The following SORCS3 variants were observed in gnomAD, a reference collection of about 807,000 sequenced individuals.
SORCS3 encodes VPS10 domain-containing receptor SorCS3.
A neutral mutation model predicts 146.3 loss-of-function variants in SORCS3; 57 were observed. The observed-to-expected ratio is 0.39, with a 90% confidence interval of 0.31 to 0.49. The LOEUF (loss-of-function observed/expected upper bound fraction) is 0.49. SORCS3 is among the 20% of genes least tolerant of loss of function. The pLI, the probability that SORCS3 is intolerant of heterozygous loss-of-function variation, is 0.92. For synonymous variants in SORCS3, 653 were observed against 618.5 expected (o/e 1.06, Z -0.83); for missense variants, 1,341 against 1,575.5 (o/e 0.85, Z 2.52).
intron 2 of SORCS3, among the ~76,000 whole-genome samples, chr10:104,903,730 A>T (rs906572845): frequency 6.6e-6 from 1 of 152,198 alleles, no homozygotes; most frequent in Non-Finnish European, 1.5e-5. Context: ...ATAAAATGTT[A>T]TCTGCTTTTT....
chr10:105,147,869 C>A (rs2056143167), intron 9 of SORCS3, 73 bp downstream of exon 9: 2 of 1,325,780 alleles, frequency 1.5e-6, no homozygotes, highest in Admixed American at 4.4e-5. Context: ...TAAACACAAG[C>A]ACTGGAGTTC....
chr10:104,806,216 C>T (rs1255042536), intron 1 of SORCS3, among the ~76,000 whole-genome samples: 3 of 152,200 alleles, frequency 2.0e-5, no homozygotes, highest in Non-Finnish European at 2.9e-5. Context: ...ACCTATACTA[C>T]GTCTTTCCAC....
intron 2 of SORCS3, among the ~76,000 whole-genome samples, chr10:104,855,869 A>G (rs1307119772): frequency 6.6e-6 from 1 of 151,998 alleles, no homozygotes; most frequent in East Asian, 1.9e-4. Context: ...CTGAGTAGCT[A>G]GGACCACAGG....
intron 14 of SORCS3, among the ~76,000 whole-genome samples, chr10:105,195,092 A>G (rs976920942): frequency 4.6e-5 from 7 of 152,170 alleles, no homozygotes; most frequent in African/African-American, 1.7e-4. Flanking sequence ...TATCCTTTTA[A>G]TGATGCTCCA....
chr10:104,849,185 T>C (rs10786826), intron 2 of SORCS3, among the ~76,000 whole-genome samples: 89,911 of 151,790 alleles, frequency 0.59, 27,033 homozygotes, highest in East Asian at 0.84. Context: ...CTCAGGCGGG[T>C]GGATTACCTG....
At chr10:105,173,635 G>A (rs890176345) in intron 13 of SORCS3, among the ~76,000 whole-genome samples, 1 of 152,118 alleles carries the variant, frequency 6.6e-6, no homozygotes, top group Admixed American at 6.5e-5. Context: ...TTATCACAGA[G>A]AAGTGAAACT....
At chr10:105,262,520 C>A in intron 26 of SORCS3, 29 bp downstream of exon 26, 1 of 1,603,922 alleles carries the variant, frequency 6.2e-7, no homozygotes, top group South Asian at 1.1e-5. Flanking sequence ...CTAAGCTCCC[C>A]TGTTCTGTGT....
chr10:104,698,787 G>A (rs1427614208), intron 1 of SORCS3, among the ~76,000 whole-genome samples: 1 of 152,138 alleles, frequency 6.6e-6, no homozygotes, highest in Non-Finnish European at 1.5e-5. Context: ...AGATAACACA[G>A]GGAAGTGTGT....
chr10:105,235,085 T>G (rs1047696190), intron 20 of SORCS3, among the ~76,000 whole-genome samples: 1 of 152,246 alleles, frequency 6.6e-6, no homozygotes, highest in South Asian at 2.1e-4. Context: ...TCCTGATCCC[T>G]CAGGTTGATT....
intron 1 of SORCS3, among the ~76,000 whole-genome samples, chr10:104,770,507 C>G (rs2017235586): frequency 6.6e-6 from 1 of 151,994 alleles, no homozygotes; most frequent in African/African-American, 2.4e-5. Flanking sequence ...AAATGTAAAG[C>G]TTTCTAGTCA....
At chr10:104,888,225 T>C (rs905334899) in intron 2 of SORCS3, among the ~76,000 whole-genome samples, 1 of 152,240 alleles carries the variant, frequency 6.6e-6, no homozygotes, top group African/African-American at 2.4e-5. Context: ...TACTCTTTTA[T>C]TCCCCTGCTT....
At chr10:104,643,995 A>G (rs2015461350) in intron 1 of SORCS3, among the ~76,000 whole-genome samples, 3 of 152,218 alleles carry the variant, frequency 2.0e-5, no homozygotes, top group Non-Finnish European at 4.4e-5. Flanking sequence ...AATAGCAGTT[A>G]ACTGTGCATG....
At chr10:104,996,710 G>A (rs1174724637) in intron 4 of SORCS3, among the ~76,000 whole-genome samples, 1 of 151,986 alleles carries the variant, frequency 6.6e-6, no homozygotes, top group East Asian at 1.9e-4. Flanking sequence ...TCTGGAAAAT[G>A]GTACTATTTT....
At chr10:105,031,917 G>A (rs546186093) in intron 4 of SORCS3, among the ~76,000 whole-genome samples, 1 of 152,290 alleles carries the variant, frequency 6.6e-6, no homozygotes, top group East Asian at 1.9e-4. Context: ...TCAGGGCCAG[G>A]TGCAGTGGCT....
chr10:104,940,215 T>TATATATATATATATATA (rs1469056479), intron 3 of SORCS3, among the ~76,000 whole-genome samples: 1 of 14,680 alleles, frequency 6.8e-5, no homozygotes, highest in African/African-American at 2.6e-4. Context: ...TATATATATA[T>TATATATATATATATATA]ATATATATAT....
intron 5 of SORCS3, among the ~76,000 whole-genome samples, chr10:105,080,993 C>A (rs2055621231): frequency 6.6e-6 from 1 of 152,042 alleles, no homozygotes; most frequent in African/African-American, 2.4e-5. Context: ...CAAAAGATGA[C>A]AAATAAATGA....
chr10:105,197,531 A>G (rs1024259841), intron 14 of SORCS3, among the ~76,000 whole-genome samples: 3 of 152,224 alleles, frequency 2.0e-5, no homozygotes, highest in Non-Finnish European at 2.9e-5. Context: ...AATGTAGAAA[A>G]AAACAGGTTA....
chr10:104,823,252 G>A (rs1025043837), intron 1 of SORCS3, among the ~76,000 whole-genome samples: 15 of 152,228 alleles, frequency 9.9e-5, no homozygotes, highest in South Asian at 4.2e-4. Context: ...GGAAACCACC[G>A]CAACCAACCT....
chr10:104,795,086 A>G (rs1285929203), intron 1 of SORCS3, among the ~76,000 whole-genome samples: 1 of 152,238 alleles, frequency 6.6e-6, no homozygotes, highest in Non-Finnish European at 1.5e-5. Flanking sequence ...TAACTTTCCT[A>G]CACACACAAT....
Sources: gnomAD v4.1 joint callset for allele counts (sites outside exome capture counted in the v4.1 genomes callset) on GRCh38, gnomAD v4.1.1 for gene constraint, MANE v1.5 for transcripts, NCBI Gene and HGNC (gene_info 2026-07-23, HGNC 2026-07-21) for gene names.